UBE3B: variants seen among roughly 807,000 people sequenced by gnomAD.
UBE3B encodes the protein ubiquitin protein ligase E3B.
In UBE3B, 80 loss-of-function variants were observed where a neutral mutation model predicts 132.3. The ratio of observed to expected loss-of-function variants is 0.60; its 90% CI spans 0.50 to 0.73. The LOEUF is 0.73. Ranked by LOEUF, UBE3B falls within the 30% of genes least tolerant of loss-of-function variation. The probability of loss-of-function intolerance (pLI) is 0.00; values close to 1 mark genes in which losing one functional copy is unlikely to be tolerated. For missense variants in UBE3B, 1,196 were observed against 1,362.5 expected (o/e 0.88, Z 1.92); for synonymous variants, 487 against 520.4 (o/e 0.94, Z 0.87).
intron 7 of UBE3B, among the ~76,000 whole-genome samples, chr12:109,489,383 G>A (rs928805633): frequency 6.6e-6 from 1 of 152,226 alleles, no homozygotes; most frequent in Non-Finnish European, 1.5e-5. Context: ...AAGAAGTGGT[G>A]TGTGAGCTGA....
intron 24 of UBE3B, 120 bp downstream of exon 24, chr12:109,526,536 A>G: frequency 9.2e-7 from 1 of 1,081,620 alleles, no homozygotes; most frequent in East Asian, 2.5e-5. Context: ...TAAATATCAT[A>G]ATGGAATTTA....
intron 8 of UBE3B, chr12:109,490,577 T>C (rs982680639): frequency 1.4e-5 from 22 of 1,535,954 alleles, no homozygotes; most frequent in Middle Eastern, 1.7e-4. Flanking sequence ...CTGGTATGAC[T>C]GGCAGTTGTC....
chr12:109,544,351 T>A, the UBE3B span, among the ~76,000 whole-genome samples: 32,583 of 123,552 alleles, frequency 0.26, 3,872 homozygotes, highest in Middle Eastern at 0.33. Context: ...TCTAGAGGTA[T>A]GGGGGGCCTG....
chr12:109,511,770 G>A (rs12314512), intron 18 of UBE3B, among the ~76,000 whole-genome samples: 1,712 of 152,254 alleles, frequency 0.011, 36 homozygotes, highest in African/African-American at 0.039. Context: ...CAAAGCCACC[G>A]GAGGGCTGGA....
At chr12:109,505,255 G>A (rs548118697) in intron 14 of UBE3B, among the ~76,000 whole-genome samples, 1 of 152,218 alleles carries the variant, frequency 6.6e-6, no homozygotes, top group Non-Finnish European at 1.5e-5. Context: ...TGACAACTTA[G>A]GAAGTGTCTG....
intron 9 of UBE3B, chr12:109,492,003 G>A (rs1877532640): frequency 6.6e-6 from 1 of 152,180 alleles, no homozygotes. Flanking sequence ...GCTAGAGCAT[G>A]GGTTGGCCAA....
chr12:109,511,032 CA>C (rs1314028430), intron 17 of UBE3B, among the ~76,000 whole-genome samples, 171 bp from the exon 18 acceptor site: 1 of 152,208 alleles, frequency 6.6e-6, no homozygotes, highest in Non-Finnish European at 1.5e-5. Context: ...TCTTGTAGCA[CA>C]AAAGCTGCCA....
the UBE3B span, among the ~76,000 whole-genome samples, chr12:109,544,212 C>A: frequency 6.6e-6 from 1 of 152,218 alleles, no homozygotes; most frequent in Non-Finnish European, 1.5e-5. Context: ...GAGGGACACA[C>A]GGCCTTACGT....
chr12:109,483,415 A>C (rs1255698610), intron 2 of UBE3B, 116 bp from the exon 3 acceptor site: 1 of 1,057,524 alleles, frequency 9.5e-7, no homozygotes, highest in Non-Finnish European at 1.3e-6. Flanking sequence ...GGGTGTTGAC[A>C]GGTCCTGAGT....
rs745492079 is a variant in UBE3B at position 109,526,384 on chromosome 12, A to C, written c.2595A>C (p.Gly865=). ...TTGTTTGCCATGAACTGATTCCTGG[A>C]GGGAAGACCATTCCTGTTACAAATG... ...GQLVCHELIP[G]GKTIPVTNEN... Residue 865 remains glycine (G), a synonymous_variant, in exon 24 of 28, where the codon GGA becomes GGC. Coordinates refer to ENST00000342494, the MANE Select transcript of UBE3B (RefSeq NM_130466.4). 1 of 1,614,016 alleles carries C rather than the reference A, an allele frequency of 6.2e-7. No homozygotes were observed. The highest frequency in any genetic ancestry group is 1.3e-5 in the African/African-American group (1 of 74,912).
chr12:109,530,486 C>G, intron 25 of UBE3B, 61 bp from the exon 26 acceptor site: 1 of 1,443,534 alleles, frequency 6.9e-7, no homozygotes, highest in Non-Finnish European at 9.7e-7. Flanking sequence ...CATGACCTGC[C>G]TGCCTGTCCA....
In UBE3B at chr12:109,509,962, G is replaced by C. The variant is rs183341481; in HGVS notation, c.1741+248G>C. 1.2e-3 allele frequency among the ~76,000 whole-genome samples: 176 copies of C among 152,290 alleles called. 1 individual carries two copies. The highest frequency in any genetic ancestry group is 2.1e-3 in the Non-Finnish European group (146 of 68,018). On this transcript the variant is annotated intron_variant, in intron 16 of 27. Coordinates refer to ENST00000342494, the MANE Select transcript of UBE3B (RefSeq NM_130466.4). ...CATGTATGTGTCGAGGATTATTAAT[G>C]ATGATTAATTTTGCCCTGAATCTCC...
chr12:109,544,486 A>T, the UBE3B span, among the ~76,000 whole-genome samples: 6 of 152,156 alleles, frequency 3.9e-5, no homozygotes, highest in Admixed American at 3.3e-4. Flanking sequence ...GAGACGCCAA[A>T]TCAACTGTCA....
chr12:109,528,281 C>T (rs1464026343), intron 24 of UBE3B: 41 of 938,084 alleles, frequency 4.4e-5, no homozygotes, highest in African/African-American at 8.9e-5. Context: ...TCCCTCTCTC[C>T]TTCCCTCCCT....
intron 9 of UBE3B, among the ~76,000 whole-genome samples, chr12:109,496,895 A>C (rs4766476): frequency 1.3e-5 from 2 of 152,108 alleles, no homozygotes; most frequent in African/African-American, 4.8e-5. Flanking sequence ...AAGAAGCACA[A>C]CTTACCTGTT....
rs1210635189 is a variant in UBE3B, at chr12:109,499,880, C to T, written c.1118+70C>T. The T allele has an allele frequency of 2.2e-6, 3 of 1,387,454 alleles. No individual in the cohort carries two copies. In the East Asian group the frequency reaches 7.7e-5, roughly 36 times the overall value. 85.9% of individuals were successfully genotyped at this position (1,387,454 alleles called of 1,614,324 possible). On this transcript the variant is annotated intron_variant, in intron 12 of 27. Transcript: ENST00000342494. ...CCATCTTCTTCTTCCTTCTTTCTTT[C>T]TTCCAGCTTGTGGTGTTTTGTTTCT...
chr12:109,537,113 G>A (rs1183292378), downstream of UBE3B, among the ~76,000 whole-genome samples: 1 of 152,122 alleles, frequency 6.6e-6, no homozygotes, highest in African/African-American at 2.4e-5. Flanking sequence ...GCTTCCCAAA[G>A]TGCTAAGATT....
chr12:109,511,357 T>C, intron 18 of UBE3B, 54 bp downstream of exon 18: 2 of 1,460,050 alleles, frequency 1.4e-6, no homozygotes, highest in Admixed American at 1.7e-5. Context: ...CCCCACGTGG[T>C]TCCTGCCTTT....
Position 109,501,413 on chromosome 12 carries a change from CTTGTGG to C in UBE3B, c.1162_1167del (p.Leu388_Trp389del). 1 of 1,614,166 alleles carries C rather than the reference CTTGTGG, an allele frequency of 6.2e-7. No individual in the cohort carries two copies. The highest frequency in any genetic ancestry group is 8.5e-7 in the Non-Finnish European group (1 of 1,180,032). On this transcript the variant is annotated inframe_deletion, in exon 13 of 28. Coordinates refer to ENST00000342494, the MANE Select transcript of UBE3B (RefSeq NM_130466.4). ...ACTTGATCACCAAACAGCTGCAGTT[CTTGTGG>C]GGGGTGCCTCTGATCCGGATCTTCT...
Sources: gnomAD v4.1 joint callset for allele counts (sites outside exome capture counted in the v4.1 genomes callset) on GRCh38, gnomAD v4.1.1 for gene constraint, MANE v1.5 for transcripts, NCBI Gene and HGNC (gene_info 2026-07-23, HGNC 2026-07-21) for gene names.